CTDP1: variants seen among roughly 807,000 people sequenced by gnomAD.
The protein encoded by CTDP1 is RNA polymerase II subunit A C-terminal domain phosphatase.
CTDP1 carries 47 observed loss-of-function variants against 91.8 expected under a neutral mutation model. The ratio of observed to expected loss-of-function variants is 0.51; its 90% confidence interval spans 0.41 to 0.65. The LOEUF (loss-of-function observed/expected upper bound fraction) is 0.65. CTDP1 is among the 30% of genes least tolerant of loss of function. CTDP1 has a pLI of 0.00. For synonymous variants in CTDP1, 656 were observed against 598.5 expected, an observed-to-expected ratio of 1.10 and a Z score of -1.40; for missense variants, 1,272 against 1,373.7, an observed-to-expected ratio of 0.93 and a Z score of 1.17.
Position 79,728,995 on chromosome 18 carries a change from C to G in CTDP1, c.2506C>G (p.Arg836Gly), listed in dbSNP as rs1379866383. 1 of 1,614,044 alleles carries G rather than the reference C, an allele frequency of 6.2e-7. No individual in the cohort carries two copies. The highest frequency in any genetic ancestry group is 2.2e-5 in the East Asian group (1 of 44,872). The part of the protein sequence containing the change: ...GEQPGPSRRK[R>G]QPSMSETMPL... The stretch of plus-strand genomic sequence containing the variant: ...GCAGCCTGGCCCTTCTAGAAGAAAG[C>G]GACAGCCCAGTATGTCTGAGACAAT... Residue 836 changes from arginine to glycine, a missense_variant, in exon 11 of 13, where the codon CGA (arginine) becomes GGA (glycine). Physicochemically the swap from Arg to Gly is moderately radical, Grantham distance 125. Coordinates refer to ENST00000613122, the MANE Select transcript of CTDP1 (RefSeq NM_004715.5).
intron 11 of CTDP1, chr18:79,736,112 T>G: frequency 1.7e-6 from 1 of 585,802 alleles, no homozygotes; most frequent in Non-Finnish European, 3.1e-6. Flanking sequence ...CAGAAGGAAT[T>G]TAAACCCAAT....
Position 79,717,914 on chromosome 18 carries a change from G to T in CTDP1, c.2315G>T (p.Arg772Leu), listed in dbSNP as rs771616103. The T allele has an allele frequency of 6.2e-7, 1 of 1,613,538 alleles. No homozygotes were observed. Among genetic ancestry groups the T allele is most frequent in the East Asian group, 2.2e-5 (1 of 44,864 alleles). The change falls in exon 10 of 13, where the codon CGG (arginine) becomes CTG (leucine). Residue 772 changes from arginine to leucine, a missense_variant. Transcript: ENST00000613122. ...LPKAQPGPEV[R>L]IYDSNTGKLI... Reference sequence around the variant, plus strand: ...AAGGCCCAGCCTGGCCCCGAGGTTCGGATCTACGACTCCAACACGGGGAAG... The same window carrying T: ...AAGGCCCAGCCTGGCCCCGAGGTTCTGATCTACGACTCCAACACGGGGAAG...
chr18:79,735,454 G>A (rs1271986690), intron 11 of CTDP1, among the ~76,000 whole-genome samples: 2 of 152,242 alleles, frequency 1.3e-5, no homozygotes, highest in Non-Finnish European at 2.9e-5. Context: ...CGGGAGAGCT[G>A]CCCGCCAACA....
At chr18:79,727,102 G>A (rs2086464364) in intron 10 of CTDP1, among the ~76,000 whole-genome samples, 1 of 152,174 alleles carries the variant, frequency 6.6e-6, no homozygotes, top group Non-Finnish European at 1.5e-5. Context: ...GGGCCTCATT[G>A]CTGCCGGTGG....
At chr18:79,721,227 G>A (rs1329953990) in intron 10 of CTDP1, among the ~76,000 whole-genome samples, 1 of 152,134 alleles carries the variant, frequency 6.6e-6, no homozygotes, top group Non-Finnish European at 1.5e-5. Context: ...GTAACACCAG[G>A]GCTTAGTGCT....
intron 10 of CTDP1, among the ~76,000 whole-genome samples, chr18:79,723,026 A>G (rs902970359): frequency 7.2e-5 from 11 of 152,190 alleles, no homozygotes; most frequent in Non-Finnish European, 1.2e-4. Flanking sequence ...CACTAAATAG[A>G]CCTGTGTCCG....
At chr18:79,735,444 C>G (rs551437617) in intron 11 of CTDP1, among the ~76,000 whole-genome samples, 1 of 152,228 alleles carries the variant, frequency 6.6e-6, no homozygotes, top group Non-Finnish European at 1.5e-5. Context: ...TGGGAGCCCC[C>G]GGGAGAGCTG....
rs575829196 is a variant in CTDP1 at position 79,733,161 on chromosome 18, G to A, written c.2581-3194G>A. Among the ~76,000 whole-genome samples the A allele has an allele frequency of 3.3e-5, 5 of 151,896 alleles. No individual in the cohort carries two copies. In the South Asian group the frequency reaches 6.3e-4, roughly 19 times the overall value. On this transcript the variant is annotated intron_variant, in intron 11 of 12. Transcript: ENST00000613122. ...TTGTGTGTGTGGATCCTCACGCCAC[G>A]GCCTCGGCACAGGACGGGTGTGCGT...
At chr18:79,700,227 C>G (rs954139494) in intron 4 of CTDP1, among the ~76,000 whole-genome samples, 4 of 152,214 alleles carry the variant, frequency 2.6e-5, no homozygotes, top group African/African-American at 9.6e-5. Context: ...TCACCAGTCT[C>G]TCACTTTAAA....
rs540288517 is a variant in CTDP1 at position 79,736,472 on chromosome 18, G to A, written c.2698G>A (p.Gly900Arg). ...AGGGACCCGCAGGGAGCGGACGCTC[G>A]GGGCACCTGCGTCCAGCGAGAGGAG... ...KPGTRRERTL[G>R]APASSERSAA... Residue 900 changes from glycine to arginine, a missense_variant, in exon 12 of 13, where the codon GGG becomes AGG. Physicochemically the swap from Gly to Arg is moderately radical, Grantham distance 125 (BLOSUM62 -2). Around this residue, in one of 3 missense-constraint regions of CTDP1, gnomAD observed 881 missense variants for 911.6 expected, o/e 0.97. Coordinates refer to ENST00000613122, the MANE Select transcript of CTDP1 (RefSeq NM_004715.5). 1.4e-5 allele frequency: 22 copies of A among 1,548,612 alleles called. No homozygotes were observed. Among genetic ancestry groups the A allele is most frequent in the African/African-American group, 6.8e-5 (5 of 73,098 alleles).
At chr18:79,722,853 C>T (rs1371642313) in intron 10 of CTDP1, among the ~76,000 whole-genome samples, 6 of 152,226 alleles carry the variant, frequency 3.9e-5, no homozygotes, top group Non-Finnish European at 5.9e-5. Flanking sequence ...CTTCGTGCTG[C>T]GGTGAGGACC....
chr18:79,742,511 C>T (rs1455280557), intron 12 of CTDP1, among the ~76,000 whole-genome samples: 2 of 152,246 alleles, frequency 1.3e-5, no homozygotes, highest in East Asian at 3.8e-4. Flanking sequence ...AAAGGAAGCT[C>T]TTCAGGCTGA....
intron 1 of CTDP1, among the ~76,000 whole-genome samples, chr18:79,686,878 C>G (rs878899523): frequency 7.5e-5 from 11 of 147,612 alleles, no homozygotes; most frequent in African/African-American, 2.3e-4. Flanking sequence ...GCCTGCACCG[C>G]AGCAGTTGGC....
chr18:79,695,379 GC>G, intron 2 of CTDP1, 71 bp downstream of exon 2: 1 of 1,400,018 alleles, frequency 7.1e-7, no homozygotes, highest in East Asian at 2.3e-5. Flanking sequence ...AGTCCGAGAA[GC>G]TGTGCTGGGA....
At chr18:79,737,937 T>G (rs1052158084) in intron 12 of CTDP1, among the ~76,000 whole-genome samples, 3 of 152,178 alleles carry the variant, frequency 2.0e-5, no homozygotes, top group Non-Finnish European at 4.4e-5. Flanking sequence ...ACCTCACTTT[T>G]GTTAGCTTTC....
chr18:79,727,115 T>A (rs1599280723), intron 10 of CTDP1, among the ~76,000 whole-genome samples: 1 of 151,974 alleles, frequency 6.6e-6, no homozygotes, highest in Non-Finnish European at 1.5e-5. Flanking sequence ...GCCGGTGGGG[T>A]TGGATGTCAG....
chr18:79,731,158 G>A (rs2086558095), intron 11 of CTDP1, among the ~76,000 whole-genome samples: 1 of 152,204 alleles, frequency 6.6e-6, no homozygotes, highest in Non-Finnish European at 1.5e-5. Context: ...GGACACATGG[G>A]GTGGGGCTGC....
At chr18:79,732,328 A>C (rs559508844) in intron 11 of CTDP1, among the ~76,000 whole-genome samples, 1 of 150,218 alleles carries the variant, frequency 6.7e-6, no homozygotes, top group East Asian at 2.0e-4. Context: ...ATGAGAACTA[A>C]CATCAGGAGT....
chr18:79,710,686 A>ATTTT (rs11306504), intron 6 of CTDP1, among the ~76,000 whole-genome samples: 24 of 88,502 alleles, frequency 2.7e-4, no homozygotes, highest in African/African-American at 3.3e-4. Flanking sequence ...TCGCCCGGCA[A>ATTTT]TTTTTTTTTT....
Sources: gnomAD v4.1 joint callset for allele counts (sites outside exome capture counted in the v4.1 genomes callset) on GRCh38, gnomAD v4.1.1 for gene constraint, gnomAD v4.1.1 regional missense constraint, MANE v1.5 for transcripts, NCBI Gene and HGNC (gene_info 2026-07-23, HGNC 2026-07-21) for gene names.